The following SYNPR variants were observed in gnomAD, a reference collection of about 807,000 sequenced individuals.
SYNPR encodes the protein synaptoporin.
A neutral mutation model predicts 32.9 loss-of-function variants in SYNPR; 23 were observed. The observed-to-expected ratio is 0.70, with a 90% CI of 0.50 to 0.99. SYNPR has a LOEUF of 0.99. SYNPR is among the 50% of genes least tolerant of loss of function. The pLI, the probability that SYNPR is intolerant of heterozygous loss-of-function variation, is 0.00. For synonymous variants in SYNPR, 146 were observed against 135.9 expected (o/e 1.07, Z -0.52); for missense variants, 318 against 349.3 (o/e 0.91, Z 0.71).
chr3:63,234,686 A>G (rs192398146), intron 1 of SYNPR, among the ~76,000 whole-genome samples: 35 of 152,324 alleles, frequency 2.3e-4, no homozygotes, highest in African/African-American at 7.7e-4. Context: ...GTATTTTTCA[A>G]TATCTATTGA....
intron 2 of SYNPR, among the ~76,000 whole-genome samples, chr3:63,261,905 A>G (rs1319769252): frequency 1.3e-5 from 2 of 151,776 alleles, no homozygotes. Context: ...GAGGGATAGC[A>G]TTAGGAGATA....
At chr3:63,240,385 C>T (rs1455989420) in intron 1 of SYNPR, among the ~76,000 whole-genome samples, 1 of 152,054 alleles carries the variant, frequency 6.6e-6, no homozygotes, top group Non-Finnish European at 1.5e-5. Flanking sequence ...TGTTTTCTCT[C>T]ACCATCTGGA....
At chr3:63,258,548 A>G (rs143913244) in intron 2 of SYNPR, among the ~76,000 whole-genome samples, 40 of 152,340 alleles carry the variant, frequency 2.6e-4, no homozygotes, top group African/African-American at 9.1e-4. Context: ...AACATACCAG[A>G]ATCTCTGGGG....
chr3:63,229,849 C>A (rs2086154149), intron 1 of SYNPR, among the ~76,000 whole-genome samples: 1 of 152,102 alleles, frequency 6.6e-6, no homozygotes, highest in Non-Finnish European at 1.5e-5. Context: ...GTGAACACTG[C>A]AATTACTTTT....
chr3:63,518,417 G>A (rs1701839573), intron 3 of SYNPR, among the ~76,000 whole-genome samples: 1 of 152,000 alleles, frequency 6.6e-6, no homozygotes, highest in Admixed American at 6.6e-5. Flanking sequence ...CTCTAACTGT[G>A]TCCCAGGCCT....
At chr3:63,542,493 G>A (rs995330781) in intron 3 of SYNPR, among the ~76,000 whole-genome samples, 1 of 152,056 alleles carries the variant, frequency 6.6e-6, no homozygotes, top group African/African-American at 2.4e-5. Context: ...TGTTTATACT[G>A]AGTAATCACT....
At chr3:63,421,409 A>G (rs1699796202) in intron 2 of SYNPR, among the ~76,000 whole-genome samples, 1 of 151,240 alleles carries the variant, frequency 6.6e-6, no homozygotes, top group African/African-American at 2.4e-5. Context: ...CATACACTGA[A>G]AAAAAAAACC....
chr3:63,220,248 A>G, the SYNPR span, among the ~76,000 whole-genome samples: 1 of 152,250 alleles, frequency 6.6e-6, no homozygotes, highest in Non-Finnish European at 1.5e-5. Flanking sequence ...GGTCAGAAAG[A>G]AAGAAAAACA....
chr3:63,371,909 C>T (rs2087817677), intron 2 of SYNPR, among the ~76,000 whole-genome samples: 1 of 152,134 alleles, frequency 6.6e-6, no homozygotes, highest in South Asian at 2.1e-4. Context: ...AACAAAGGAC[C>T]TGGTTGCTAT....
chr3:63,595,877 T>TTA (rs1231634133), intron 4 of SYNPR, among the ~76,000 whole-genome samples: 2 of 78,866 alleles, frequency 2.5e-5, no homozygotes, highest in Non-Finnish European at 5.3e-5. Flanking sequence ...ATATATAATT[T>TTA]TATATATATA....
chr3:63,308,289 C>G (rs749496021), intron 2 of SYNPR, among the ~76,000 whole-genome samples: 2 of 151,938 alleles, frequency 1.3e-5, no homozygotes, highest in African/African-American at 2.4e-5. Flanking sequence ...ATCAAACATA[C>G]AGCGGATATT....
intron 2 of SYNPR, among the ~76,000 whole-genome samples, chr3:63,335,766 C>CTTTTTTTTTTTTTTT (rs3082128): frequency 9.8e-5 from 9 of 91,470 alleles, no homozygotes; most frequent in Non-Finnish European, 1.7e-4. Flanking sequence ...TATTAGCTTC[C>CTTTTTTTTTTTTTTT]TTTTTTTTTT....
chr3:63,466,228 CCT>C (rs60415902), intron 2 of SYNPR, among the ~76,000 whole-genome samples: 103 of 147,100 alleles, frequency 7.0e-4, no homozygotes, highest in Non-Finnish European at 6.9e-4. Context: ...TCTAGACGTT[CCT>C]CTCTCTCTCT....
intron 2 of SYNPR, among the ~76,000 whole-genome samples, chr3:63,433,389 C>T (rs937111435): frequency 4.6e-5 from 7 of 152,192 alleles, no homozygotes; most frequent in African/African-American, 1.7e-4. Flanking sequence ...ATTGGTAAGA[C>T]ATTCTATTTT....
At chr3:63,381,818 G>A (rs1205867431) in intron 2 of SYNPR, among the ~76,000 whole-genome samples, 1 of 152,000 alleles carries the variant, frequency 6.6e-6, no homozygotes, top group Non-Finnish European at 1.5e-5. Flanking sequence ...CTGCCTTCCT[G>A]TGGATTACTG....
At chr3:63,454,969 G>A (rs955231021) in intron 2 of SYNPR, among the ~76,000 whole-genome samples, 76 of 152,064 alleles carry the variant, frequency 5.0e-4, no homozygotes, top group Non-Finnish European at 9.1e-4. Context: ...AGGTTATAAC[G>A]GAATTTTCCA....
rs377493160 is a variant in SYNPR, at chr3:63,398,576, G to T, written c.85-82256G>T. Among the ~76,000 whole-genome samples, 3 of 151,972 alleles carry T rather than the reference G, an allele frequency of 2.0e-5. No individual in the cohort carries two copies. The East Asian group carries it at 5.8e-4, about 29-fold the overall frequency. Reference sequence around the variant, plus strand: ...TATTAAAAAAAAAAAAAATTAGCCGGGCACAGTGGTGGGCACCTGTACTCC... The same window carrying T: ...TATTAAAAAAAAAAAAAATTAGCCGTGCACAGTGGTGGGCACCTGTACTCC... On this transcript the variant is annotated intron_variant, in intron 2 of 5. Coordinates refer to ENST00000478300, the MANE Select transcript of SYNPR (RefSeq NM_001130003.2).
At chr3:63,214,364 T>G in the SYNPR span, among the ~76,000 whole-genome samples, 1 of 38,844 alleles carries the variant, frequency 2.6e-5, no homozygotes. Context: ...GGTAAACTAT[T>G]GATTATTGCC....
chr3:63,355,674 T>C (rs1274191679), intron 2 of SYNPR, among the ~76,000 whole-genome samples: 1 of 152,066 alleles, frequency 6.6e-6, no homozygotes, highest in Non-Finnish European at 1.5e-5. Context: ...CCTCCCATTC[T>C]CCGTCACCTC....
Sources: allele counts gnomAD v4.1 joint callset (sites outside exome capture counted in the v4.1 genomes callset), GRCh38; gene constraint gnomAD v4.1.1; transcripts MANE v1.5; gene names NCBI Gene and HGNC (gene_info 2026-07-23, HGNC 2026-07-21).